The following PROX1 variants were observed in gnomAD, a reference collection of about 807,000 sequenced individuals.
PROX1 encodes prospero homeobox 1, also known as prospero homeobox protein 1.
In PROX1, 7 loss-of-function variants were observed where a neutral mutation model predicts 58.8. That is an observed-to-expected ratio of 0.12 (90% CI 0.07 to 0.22). The LOEUF is 0.22. PROX1 is among the 10% of genes least tolerant of loss of function. The pLI, the probability that PROX1 is intolerant of heterozygous loss-of-function variation, is 1.00. For synonymous variants in PROX1, 350 were observed against 358.3 expected (o/e 0.98, Z 0.26); for missense variants, 675 against 927.8 (o/e 0.73, Z 3.54).
intron 1 of PROX1, among the ~76,000 whole-genome samples, chr1:213,995,162 G>A (rs770958243): frequency 5.9e-5 from 9 of 151,526 alleles, no homozygotes; most frequent in Non-Finnish European, 7.4e-5. Flanking sequence ...TTAAGCAAAC[G>A]TGAAGTTTAA....
intron 4 of PROX1, among the ~76,000 whole-genome samples, chr1:214,026,231 C>T (rs933078493): frequency 4.6e-5 from 7 of 152,136 alleles, no homozygotes; most frequent in East Asian, 1.9e-4. Context: ...TGCTTCATCG[C>T]GACCAATAAT....
chr1:213,990,144 AAAAAAAGAAAG>A (rs2102678132), intron 1 of PROX1, among the ~76,000 whole-genome samples: 1 of 150,824 alleles, frequency 6.6e-6, no homozygotes, highest in Admixed American at 6.6e-5. Context: ...AAAAAAAAAA[AAAAAAAGAAAG>A]AAAAGAAAAA....
chr1:214,013,481 T>A (rs766257168), intron 4 of PROX1, among the ~76,000 whole-genome samples: 2 of 152,180 alleles, frequency 1.3e-5, no homozygotes, highest in Non-Finnish European at 2.9e-5. Flanking sequence ...TCAAGCTTCA[T>A]GAAAGAATTG....
At chr1:214,033,643 T>C (rs1165186515) in intron 4 of PROX1, among the ~76,000 whole-genome samples, 1 of 152,182 alleles carries the variant, frequency 6.6e-6, no homozygotes, top group African/African-American at 2.4e-5. Context: ...TCTGTAGCAT[T>C]TGGCTAACAG....
chr1:213,987,729 G>A (rs1369319662), upstream of PROX1: 1 of 119,302 alleles, frequency 8.4e-6, no homozygotes. Context: ...GGGGGCCGGG[G>A]ATGGAGGCCG....
intron 4 of PROX1, among the ~76,000 whole-genome samples, chr1:214,016,167 T>G (rs1664087717): frequency 6.6e-6 from 1 of 152,040 alleles, no homozygotes; most frequent in South Asian, 2.1e-4. Flanking sequence ...CTTACTTTCC[T>G]CTTGGAAATA....
intron 4 of PROX1, among the ~76,000 whole-genome samples, chr1:214,028,241 A>C (rs1664526098): frequency 6.6e-6 from 1 of 152,124 alleles, no homozygotes; most frequent in Non-Finnish European, 1.5e-5. Context: ...GTTTTTCCAA[A>C]CACAAGCATC....
chr1:214,002,405 C>CTTTTTTGTTTTT (rs1558173747), intron 2 of PROX1, among the ~76,000 whole-genome samples: 1 of 121,538 alleles, frequency 8.2e-6, no homozygotes, highest in East Asian at 2.5e-4. Context: ...TTTTTTTTTT[C>CTTTTTTGTTTTT]TTTTTTCTTT....
chr1:213,996,724 T>C lies in PROX1; in HGVS notation c.189T>C (p.Asp63=). The C allele has an allele frequency of 6.2e-7, 1 of 1,614,192 alleles. No individual in the cohort carries two copies. Among genetic ancestry groups the C allele is most frequent in the Non-Finnish European group, 8.5e-7 (1 of 1,180,052 alleles). The change falls in exon 2 of 5, where the codon GAT becomes GAC. Residue 63 remains aspartate, a synonymous_variant. Coordinates refer to ENST00000366958, the MANE Select transcript of PROX1 (RefSeq NM_001270616.2). The part of the protein sequence containing the change: ...DVEYSVVQHA[D]GEKSNVLRKL... ...AGTATTCAGTGGTGCAGCATGCAGA[T>C]GGGGAAAAGTCAAATGTACTCCGCA...
Position 213,997,950 on chromosome 1 carries a change from C to A in PROX1, c.1415C>A (p.Thr472Asn), listed in dbSNP as rs1172038743. The change falls in exon 2 of 5, where the codon ACC becomes AAC. Residue 472 changes from threonine (T) to asparagine (N), a missense_variant. Coordinates refer to ENST00000366958, the MANE Select transcript of PROX1 (RefSeq NM_001270616.2). This position sits in a 1 kb window ranked among gnomAD's most constrained non-coding sequence, Gnocchi z 7.1. ...QPLHQSPLSA[T>N]TGFTTSTFRH... ...CTGCACCAGTCGCCTCTCTCTGCCA[C>A]CACGGGCTTCACCACGTCCACCTTC... is the stretch of plus-strand genomic sequence containing the variant. The A allele has an allele frequency of 7.4e-6, 12 of 1,613,888 alleles. No homozygotes were observed. Among genetic ancestry groups the A allele is most frequent in the African/African-American group, 1.3e-5 (1 of 74,940 alleles).
At chr1:214,020,151 G>A (rs1367047381) in intron 4 of PROX1, among the ~76,000 whole-genome samples, 2 of 152,106 alleles carry the variant, frequency 1.3e-5, no homozygotes, top group Admixed American at 6.5e-5. Flanking sequence ...GAGAGACAGG[G>A]TTAGAATGAG....
At position 214,037,658 on chromosome 1, in the gene PROX1, G is replaced by A. The variant is rs972800437; in HGVS notation, c.*1824G>A. 24 of 152,054 alleles carry A rather than the reference G, an allele frequency of 1.6e-4. No individual in the cohort carries two copies. The highest frequency in any genetic ancestry group is 5.6e-4 in the African/African-American group (23 of 41,358). 9.4% of individuals were successfully genotyped at this position (152,054 alleles called of 1,614,324 possible). A position where few individuals can be genotyped will look rare whatever the true frequency, so the allele number is the denominator to read the frequency against. On this transcript the variant is annotated 3_prime_UTR_variant, in exon 5 of 5. Coordinates refer to ENST00000366958, the MANE Select transcript of PROX1 (RefSeq NM_001270616.2). ...GTAGACAGAGGGTGCAGCCACACGG[G>A]CGGGGGCACCAGCCACCTCACTCTG...
chr1:214,027,713 C>T lies in PROX1; in HGVS notation c.2029-7936C>T, dbSNP rs1012703970. Among the ~76,000 whole-genome samples, 5 of 152,208 alleles carry T rather than the reference C, an allele frequency of 3.3e-5. No homozygotes were observed. In the South Asian group the frequency reaches 6.2e-4, roughly 19 times the overall value. On this transcript the variant is annotated intron_variant, in intron 4 of 4. Coordinates refer to ENST00000366958, the MANE Select transcript of PROX1 (RefSeq NM_001270616.2). ...AACTGTCTTTATCTAGCCGAGAAAA[C>T]GAAAATCTATTTGACAAAGTGGCAC...
intron 4 of PROX1, among the ~76,000 whole-genome samples, chr1:214,034,190 C>T (rs949145469): frequency 1.8e-4 from 27 of 152,170 alleles, no homozygotes; most frequent in African/African-American, 6.0e-4. Flanking sequence ...CAATTTTAAA[C>T]GTGAAAAACA....
intron 4 of PROX1, among the ~76,000 whole-genome samples, chr1:214,031,136 T>G (rs1664643001): frequency 6.6e-6 from 1 of 151,294 alleles, no homozygotes; most frequent in Non-Finnish European, 1.5e-5. Flanking sequence ...CTTGAAAACC[T>G]CCTCTCATTT....
chr1:214,022,997 G>T (rs755218286), intron 4 of PROX1, among the ~76,000 whole-genome samples: 2 of 152,174 alleles, frequency 1.3e-5, no homozygotes, highest in Non-Finnish European at 2.9e-5. Flanking sequence ...TCTCCAGGGT[G>T]CCCATTTTCG....
chr1:214,039,603 A>T lies in PROX1; in HGVS notation c.*3769A>T, dbSNP rs933147244. ...ACGACATCTGTTGAATTTACTAGGA[A>T]CACTACAGTGACTGTATAGACAGTT... On this transcript the variant is annotated 3_prime_UTR_variant, in exon 5 of 5. Transcript: ENST00000366958. 2.0e-5 allele frequency: 3 copies of T among 152,224 alleles called. No homozygotes were observed. The highest frequency in any genetic ancestry group is 7.2e-5 in the African/African-American group (3 of 41,452). 9.4% of individuals were successfully genotyped at this position (152,224 alleles called of 1,614,324 possible).
chr1:214,010,855 T>C (rs915658704), intron 3 of PROX1, among the ~76,000 whole-genome samples: 1 of 152,134 alleles, frequency 6.6e-6, no homozygotes, highest in Non-Finnish European at 1.5e-5. Flanking sequence ...GGGACATGGG[T>C]CTTATCCAAT....
chr1:213,995,674 C>A (rs1176395945), intron 1 of PROX1, among the ~76,000 whole-genome samples: 1 of 151,960 alleles, frequency 6.6e-6, no homozygotes, highest in African/African-American at 2.4e-5. Context: ...TGCAGTGAAT[C>A]CAACTTTGTA....
Sources: allele counts gnomAD v4.1 joint callset (sites outside exome capture counted in the v4.1 genomes callset), GRCh38; gene constraint gnomAD v4.1.1; non-coding constraint Gnocchi (gnomAD v3.1); transcripts MANE v1.5; gene names NCBI Gene and HGNC (gene_info 2026-07-23, HGNC 2026-07-21).